ERBB3: variants seen among roughly 807,000 people sequenced by gnomAD.
ERBB3 encodes receptor tyrosine-protein kinase erbB-3.
ERBB3 carries 96 observed loss-of-function variants against 156.7 expected under a neutral mutation model. That is an observed-to-expected ratio of 0.61 (90% CI 0.52 to 0.73). ERBB3 has a LOEUF of 0.73. Ranked by LOEUF, ERBB3 falls within the 30% of genes least tolerant of loss-of-function variation. The pLI is 0.00. For synonymous variants in ERBB3, 567 were observed against 632.0 expected, an observed-to-expected ratio of 0.90 and a Z score of 1.54; for missense variants, 1,406 against 1,709.4, an observed-to-expected ratio of 0.82 and a Z score of 3.13.
chr12:56,083,351 A>G (rs1163676557), intron 1 of ERBB3: 2 of 335,676 alleles, frequency 6.0e-6, no homozygotes, highest in Non-Finnish European at 1.2e-5. Flanking sequence ...AGGCAGGATG[A>G]GGGTAGAGAA....
Position 56,094,091 on chromosome 12 carries a change from C to G in ERBB3, c.1614-8C>G. 2 of 1,611,822 alleles carry G rather than the reference C, an allele frequency of 1.2e-6. No homozygotes were observed. The highest frequency in any genetic ancestry group is 1.7e-6 in the Non-Finnish European group (2 of 1,177,950). ...GTGACCCCCCCCTCCCTTTATTCCCCACTACAGGGAGCCTCGAGAATTTGC... is the reference window on the plus strand; with the variant it reads ...GTGACCCCCCCCTCCCTTTATTCCCGACTACAGGGAGCCTCGAGAATTTGC... On this transcript the variant is annotated splice_polypyrimidine_tract_variant and splice_region_variant and intron_variant, in intron 13 of 27. Coordinates refer to ENST00000267101, the MANE Select transcript of ERBB3 (RefSeq NM_001982.4).
In ERBB3 at chr12:56,083,605, G is replaced by C. The variant is rs576623741; in HGVS notation, c.83-146G>C. 10 of 830,642 alleles carry C rather than the reference G, an allele frequency of 1.2e-5. No individual in the cohort carries two copies. In the Admixed American group the frequency reaches 1.6e-4, roughly 13 times the overall value. 51.5% of individuals were successfully genotyped at this position (830,642 alleles called of 1,614,324 possible). On this transcript the variant is annotated intron_variant, in intron 1 of 27. Transcript: ENST00000267101. ...CAGGCCACTACAGCTTCTGCCTATC[G>C]CTTGTGGGAGGGTTGGAGGCAAATG...
rs942172821 is a variant in ERBB3 at position 56,102,925 on chromosome 12, A to C, written c.*870A>C. 21 of 225,370 alleles carry C rather than the reference A, an allele frequency of 9.3e-5. No individual in the cohort carries two copies. The highest frequency in any genetic ancestry group is 4.7e-4 in the African/African-American group (21 of 44,856). The allele number at this position is 225,370 out of a possible 1,614,324, so 14.0% of individuals were successfully genotyped here. Reference sequence around the variant, plus strand: ...GAAGATCACTTGAGCCCAGAATTAGAGATAAGCCTATGGAAACATAGCAAG... The same window carrying C: ...GAAGATCACTTGAGCCCAGAATTAGCGATAAGCCTATGGAAACATAGCAAG... On this transcript the variant is annotated 3_prime_UTR_variant, in exon 28 of 28. Coordinates refer to ENST00000267101, the MANE Select transcript of ERBB3 (RefSeq NM_001982.4).
rs2136795034 is a variant in ERBB3 at position 56,088,048 on chromosome 12, G to C, written c.760G>C (p.Ala254Pro). Residue 254 changes from alanine to proline, a missense_variant, in exon 7 of 28, where the codon GCC (alanine) becomes CCC (proline). Coordinates refer to ENST00000267101, the MANE Select transcript of ERBB3 (RefSeq NM_001982.4). ...FACRHFNDSG[A>P]CVPRCPQPLV... ...CTGCCGGCACTTCAATGACAGTGGA[G>C]CCTGTGTACCTCGCTGTCCACAGCC... is the stretch of plus-strand genomic sequence containing the variant. The C allele has an allele frequency of 6.2e-7, 1 of 1,614,148 alleles. No homozygotes were observed.
chr12:56,100,370 G>C lies in ERBB3; in HGVS notation c.3201+125G>C, dbSNP rs922851806. 4 of 819,796 alleles carry C rather than the reference G, an allele frequency of 4.9e-6. No homozygotes were observed. In the African/African-American group the frequency reaches 6.7e-5, roughly 14 times the overall value. The allele number at this position is 819,796 out of a possible 1,614,324, so 50.8% of individuals were successfully genotyped here. ...AAAGAAGGCAGTGAGGGCCGGGCGA[G>C]TTGGCTCACACCTGTAATCCCAGCA... is the stretch of plus-strand genomic sequence containing the variant. On this transcript the variant is annotated intron_variant, in intron 26 of 27. Coordinates refer to ENST00000267101, the MANE Select transcript of ERBB3 (RefSeq NM_001982.4).
intron 7 of ERBB3, among the ~76,000 whole-genome samples, 188 bp downstream of exon 7, chr12:56,088,350 C>G (rs933514922): frequency 1.3e-5 from 2 of 152,220 alleles, no homozygotes; most frequent in African/African-American, 4.8e-5. Flanking sequence ...ATCACCCTTA[C>G]TTCTGCTCCT....
chr12:56,095,613 T>C, intron 16 of ERBB3, 52 bp from the exon 17 acceptor site: 1 of 1,607,244 alleles, frequency 6.2e-7, no homozygotes, highest in Admixed American at 1.7e-5. Context: ...AGTTGACATT[T>C]GTAAGGAAGA....
rs79768661 is a variant in ERBB3, at chr12:56,086,302, C to T, written c.422-229C>T. On this transcript the variant is annotated intron_variant, in intron 3 of 27. Transcript: ENST00000267101. ...TCTCCCTCTCTCCCTTCCCCTCCCC[C>T]ACTAGCTAAACCGGATCTGGACAGG... Among the ~76,000 whole-genome samples the T allele has an allele frequency of 0.027, 4,056 of 152,148 alleles. 329 individuals are homozygous for T. Among genetic ancestry groups the T allele is most frequent in the East Asian group, 0.26 (1,341 of 5,160 alleles).
At chr12:56,090,596 A>G (rs1423686504) in intron 9 of ERBB3, among the ~76,000 whole-genome samples, 2 of 152,050 alleles carry the variant, frequency 1.3e-5, no homozygotes, top group Admixed American at 6.5e-5. Flanking sequence ...GTGAGCCGAG[A>G]TCGCGGCACT....
intron 26 of ERBB3, 77 bp from the exon 27 acceptor site, chr12:56,100,984 T>G: frequency 1.9e-5 from 14 of 745,708 alleles, no homozygotes; most frequent in Non-Finnish European, 2.6e-5. Context: ...CAACCCAATA[T>G]CCTTCTAAAC....
chr12:56,096,327 T>C, intron 17 of ERBB3, 176 bp from the exon 18 acceptor site: 1 of 727,730 alleles, frequency 1.4e-6, no homozygotes, highest in Non-Finnish European at 2.3e-6. Context: ...ACAAATAACT[T>C]CCTCAGTTCT....
At chr12:56,086,222 T>A (rs952546909) in intron 3 of ERBB3, among the ~76,000 whole-genome samples, 1 of 152,096 alleles carries the variant, frequency 6.6e-6, no homozygotes, top group Non-Finnish European at 1.5e-5. Context: ...CATGTCCCAG[T>A]CAGTTGGAAA....
At chr12:56,092,519 GTTGGCTCCTGTGTTCT>G (rs1868749291) in intron 9 of ERBB3, among the ~76,000 whole-genome samples, 2 of 149,688 alleles carry the variant, frequency 1.3e-5, no homozygotes, top group South Asian at 4.2e-4. Context: ...GCCCCTCCAA[GTTGGCTCCTGTGTTCT>G]TTGGGCTGTA....
intron 15 of ERBB3, among the ~76,000 whole-genome samples, chr12:56,094,986 C>T (rs945733465): frequency 6.6e-5 from 10 of 151,196 alleles, no homozygotes; most frequent in African/African-American, 2.4e-4. Flanking sequence ...AGCTGTGTAG[C>T]GAAGGATTGG....
chr12:56,092,489 A>C (rs1868748450), intron 9 of ERBB3, among the ~76,000 whole-genome samples: 1 of 151,236 alleles, frequency 6.6e-6, no homozygotes, highest in Non-Finnish European at 1.5e-5. Flanking sequence ...ATCCTTTACA[A>C]TCATTATTTA....
intron 7 of ERBB3, 140 bp downstream of exon 7, chr12:56,088,302 G>A: frequency 3.1e-6 from 3 of 978,348 alleles, no homozygotes; most frequent in African/African-American, 3.2e-5. Flanking sequence ...CCACTCCAGT[G>A]AGTGACCCTT....
chr12:56,099,874 C>A lies in ERBB3; in HGVS notation c.2974C>A (p.Pro992Thr). The change falls in exon 25 of 28, where the codon CCC becomes ACC. Residue 992 changes from proline to threonine, a missense_variant. Around this residue, in one of 3 missense-constraint regions of ERBB3, gnomAD observed 415 missense variants for 454.1 expected, o/e 0.91. Coordinates refer to ENST00000267101, the MANE Select transcript of ERBB3 (RefSeq NM_001982.4). Reference protein sequence around the residue: ...SGPGIAPGPEPHGLTNKKLEE... With the variant: ...SGPGIAPGPETHGLTNKKLEE... ...GCCTGGAATAGCCCCTGGGCCAGAGCCCCATGGTCTGACAAACAAGAAGCT... is the reference window on the plus strand; with the variant it reads ...GCCTGGAATAGCCCCTGGGCCAGAGACCCATGGTCTGACAAACAAGAAGCT... The A allele has an allele frequency of 3.1e-6, 5 of 1,614,174 alleles. No individual in the cohort carries two copies. Among genetic ancestry groups the A allele is most frequent in the Non-Finnish European group, 4.2e-6 (5 of 1,180,016 alleles).
At position 56,100,003 on chromosome 12, in the gene ERBB3, G is replaced by C. The variant is rs370849499; in HGVS notation, c.3103G>C (p.Val1035Leu). The change falls in exon 25 of 28, where the codon GTT becomes CTT. Residue 1035 changes from valine to leucine, a missense_variant. Physicochemically the swap from Val to Leu is conservative, Grantham distance 32 (BLOSUM62 1). Around this residue, in one of 3 missense-constraint regions of ERBB3, gnomAD observed 415 missense variants for 454.1 expected, o/e 0.91. Transcript: ENST00000267101. ...TTLGSALSLP[V>L]GTLNRPRGSQ... ...ACTGGGCTCCGCCCTCAGCCTACCA[G>C]TTGGAACACTTAATCGGCCACGTGG... The C allele has an allele frequency of 2.5e-6, 4 of 1,614,130 alleles. No individual in the cohort carries two copies. In the African/African-American group the frequency reaches 4.0e-5, roughly 16 times the overall value.
intron 1 of ERBB3, among the ~76,000 whole-genome samples, chr12:56,083,102 C>G (rs1057017150): frequency 2.0e-5 from 3 of 152,098 alleles, no homozygotes; most frequent in Non-Finnish European, 4.4e-5. Flanking sequence ...CCAGAGCTCC[C>G]CCCTCTACTG....
Sources: allele counts gnomAD v4.1 joint callset (sites outside exome capture counted in the v4.1 genomes callset), GRCh38; gene constraint gnomAD v4.1.1; regional missense constraint gnomAD v4.1.1; transcripts MANE v1.5; gene names NCBI Gene and HGNC (gene_info 2026-07-23, HGNC 2026-07-21).